Variants in KALRN observed in about 807,000 individuals in gnomAD.
KALRN encodes the protein kalirin.
In KALRN, 70 loss-of-function variants were observed where a neutral mutation model predicts 353.7. That is an observed-to-expected ratio of 0.20 (90% CI 0.16 to 0.24). The LOEUF (loss-of-function observed/expected upper bound fraction) is 0.24, where lower values mean the gene tolerates loss of function less well. Among genes scored for constraint, KALRN ranks in the 10% least tolerant of loss-of-function variants. The pLI, the probability that KALRN is intolerant of heterozygous loss-of-function variation, is 1.00. For missense variants in KALRN, 2,791 were observed against 3,756.7 expected, an observed-to-expected ratio of 0.74 and a Z score of 6.72; for synonymous variants, 1,391 against 1,434.8, an observed-to-expected ratio of 0.97 and a Z score of 0.69.
intron 34 of KALRN, among the ~76,000 whole-genome samples, chr3:124,609,202 A>AT (rs34104451): frequency 0.047 from 7,149 of 150,924 alleles, 202 homozygotes; most frequent in Middle Eastern, 0.079. Flanking sequence ...TTTTTCCTCA[A>AT]TTTTTTTTTT....
At chr3:124,665,990 G>A (rs2085556470) in intron 45 of KALRN, among the ~76,000 whole-genome samples, 1 of 152,130 alleles carries the variant, frequency 6.6e-6, no homozygotes, top group Non-Finnish European at 1.5e-5. Flanking sequence ...TGAGTTCAAG[G>A]TTGGTGGCCA....
chr3:124,469,933 T>A (rs1424405196), intron 25 of KALRN, among the ~76,000 whole-genome samples: 1 of 152,228 alleles, frequency 6.6e-6, no homozygotes, highest in Non-Finnish European at 1.5e-5. Context: ...TCAGAGAGAA[T>A]AACAGAACCA....
chr3:124,086,619 T>C (rs2060839495), intron 1 of KALRN, among the ~76,000 whole-genome samples: 1 of 152,212 alleles, frequency 6.6e-6, no homozygotes, highest in Non-Finnish European at 1.5e-5. Flanking sequence ...AAATATTTAC[T>C]TCCTGCATTA....
chr3:124,687,668 A>G (rs975772809), intron 51 of KALRN, among the ~76,000 whole-genome samples: 2 of 151,602 alleles, frequency 1.3e-5, no homozygotes, highest in African/African-American at 2.4e-5. Context: ...ACCATATGGA[A>G]TTTTTTTACA....
At chr3:124,454,065 A>G (rs890712779) in intron 21 of KALRN, among the ~76,000 whole-genome samples, 7 of 152,206 alleles carry the variant, frequency 4.6e-5, no homozygotes, top group African/African-American at 1.4e-4. Flanking sequence ...TAATCCAGTA[A>G]ACATCAGAGT....
At chr3:124,712,753 A>C (rs2062953804) in intron 57 of KALRN, among the ~76,000 whole-genome samples, 182 bp from the exon 58 acceptor site, 2 of 151,020 alleles carry the variant, frequency 1.3e-5, no homozygotes, top group South Asian at 2.1e-4. Context: ...CATCTCAAAA[A>C]CCCTAAAATG....
At chr3:124,113,724 C>T (rs1416820175) in intron 1 of KALRN, among the ~76,000 whole-genome samples, 1 of 152,230 alleles carries the variant, frequency 6.6e-6, no homozygotes, top group Non-Finnish European at 1.5e-5. Context: ...CCTGCTATCT[C>T]CTGCTGGCTC....
At chr3:124,179,188 A>G (rs1234735125) in intron 1 of KALRN, among the ~76,000 whole-genome samples, 1 of 152,248 alleles carries the variant, frequency 6.6e-6, no homozygotes, top group Non-Finnish European at 1.5e-5. Context: ...CTTTTGTAAT[A>G]ACACAACTTA....
At chr3:124,112,888 T>C (rs544230266) in intron 1 of KALRN, among the ~76,000 whole-genome samples, 2 of 152,272 alleles carry the variant, frequency 1.3e-5, no homozygotes, top group East Asian at 3.9e-4. Flanking sequence ...TGTATCTACA[T>C]GTACTTGTAG....
intron 1 of KALRN, among the ~76,000 whole-genome samples, chr3:124,183,639 C>G (rs2073884471): frequency 6.6e-6 from 1 of 152,138 alleles, no homozygotes; most frequent in South Asian, 2.1e-4. Flanking sequence ...AGAAGGCAGC[C>G]ATCTGTATCT....
At chr3:124,163,409 A>G (rs1212047621) in intron 1 of KALRN, 1 of 158,010 alleles carries the variant, frequency 6.3e-6, no homozygotes, top group African/African-American at 2.4e-5. Context: ...CACCACATGT[A>G]GAGTATGTGA....
At chr3:124,387,357 C>T (rs1260518574) in intron 11 of KALRN, among the ~76,000 whole-genome samples, 1 of 152,194 alleles carries the variant, frequency 6.6e-6, no homozygotes, top group Non-Finnish European at 1.5e-5. Context: ...AGAGAAAGAA[C>T]TGAAATTTAT....
chr3:124,704,271 G>T (rs780143615), intron 57 of KALRN, among the ~76,000 whole-genome samples: 1 of 152,098 alleles, frequency 6.6e-6, no homozygotes, highest in Non-Finnish European at 1.5e-5. Context: ...TTCATCACCC[G>T]GATGCCCCAG....
chr3:124,479,887 C>T lies in KALRN; in HGVS notation c.4191+2553C>T, dbSNP rs557735340. 2.8e-3 allele frequency among the ~76,000 whole-genome samples: 425 copies of T among 152,168 alleles called. 1 individual carries two copies. Among genetic ancestry groups the T allele is most frequent in the Non-Finnish European group, 5.4e-3 (367 of 67,990 alleles). On this transcript the variant is annotated intron_variant, in intron 27 of 59. Coordinates refer to ENST00000682506, the MANE Select transcript of KALRN (RefSeq NM_001388419.1). ...TACAGGCACCCACCACCACGCCTGGCTAATTTTTTGTATTTCTAGTAGAGA... is the reference window on the plus strand; with the variant it reads ...TACAGGCACCCACCACCACGCCTGGTTAATTTTTTGTATTTCTAGTAGAGA...
intron 58 of KALRN, among the ~76,000 whole-genome samples, chr3:124,714,995 G>A (rs184435895): frequency 4.2e-5 from 6 of 142,334 alleles, no homozygotes; most frequent in Admixed American, 2.2e-4. Context: ...CAGCCTAGGC[G>A]ACAGAGTGAG....
At position 124,633,956 on chromosome 3, in the gene KALRN, A is replaced by G. The variant is rs1304456434; in HGVS notation, c.5568+3A>G. The G allele has an allele frequency of 6.2e-7, 1 of 1,611,876 alleles. No individual in the cohort carries two copies. The highest frequency in any genetic ancestry group is 8.5e-7 in the Non-Finnish European group (1 of 1,178,164). On this transcript the variant is annotated splice_donor_region_variant and intron_variant, in intron 36 of 59. Transcript: ENST00000682506. The stretch of plus-strand genomic sequence containing the variant: ...ACGACCCTACACAGGATGAAATGGT[A>G]GAACTTCTTTACTTGCTCACTTAAA...
At chr3:124,569,303 G>T (rs1578051587) in intron 34 of KALRN, among the ~76,000 whole-genome samples, 1 of 152,158 alleles carries the variant, frequency 6.6e-6, no homozygotes. Flanking sequence ...CTTGGCCTCA[G>T]GAACAGCTTC....
At chr3:124,338,936 A>G (rs2081401975) in intron 9 of KALRN, among the ~76,000 whole-genome samples, 1 of 152,202 alleles carries the variant, frequency 6.6e-6, no homozygotes, top group Admixed American at 6.5e-5. Context: ...TCAAAGTGTG[A>G]TACTTGGACC....
chr3:124,280,334 G>C (rs1476834520), intron 5 of KALRN, among the ~76,000 whole-genome samples: 1 of 152,160 alleles, frequency 6.6e-6, no homozygotes, highest in Non-Finnish European at 1.5e-5. Context: ...CTACCCTCCT[G>C]TAGTTACACC....
Sources: allele counts gnomAD v4.1 joint callset (sites outside exome capture counted in the v4.1 genomes callset), GRCh38; gene constraint gnomAD v4.1.1; transcripts MANE v1.5; gene names NCBI Gene and HGNC (gene_info 2026-07-23, HGNC 2026-07-21).